KRT80: variants seen among roughly 807,000 people sequenced by gnomAD.
KRT80 encodes keratin 80.
A neutral mutation model predicts 51.5 loss-of-function variants in KRT80; 36 were observed. That is an observed-to-expected ratio of 0.70 (90% CI 0.54 to 0.92). KRT80 has a LOEUF of 0.92. KRT80 is among the 40% of genes least tolerant of loss of function. KRT80 has a pLI of 0.00. For synonymous variants in KRT80, 235 were observed against 248.3 expected (o/e 0.95, Z 0.50); for missense variants, 566 against 591.7 (o/e 0.96, Z 0.45).
chr12:52,175,800 G>A (rs1047344210), intron 4 of KRT80, among the ~76,000 whole-genome samples: 1 of 152,098 alleles, frequency 6.6e-6, no homozygotes, highest in Non-Finnish European at 1.5e-5. Flanking sequence ...GGCCCAACCC[G>A]TGTCAGAATA....
In KRT80 at chr12:52,191,962, G is replaced by C; in HGVS notation, c.-60C>G. 7.2e-7 allele frequency: 1 copy of C among 1,394,170 alleles called. No homozygotes were observed. The highest frequency in any genetic ancestry group is 2.6e-5 in the East Asian group (1 of 39,190). 86.4% of individuals were successfully genotyped at this position (1,394,170 alleles called of 1,614,324 possible). On this transcript the variant is annotated 5_prime_UTR_variant, in exon 1 of 9. Coordinates refer to ENST00000394815, the MANE Select transcript of KRT80 (RefSeq NM_182507.3). ...GGTGAGCGAGTGAGCCTGGGGTTGC[G>C]TCGGGTGGCAGGCTCTGGTTGCTCT...
intron 5 of KRT80, 122 bp downstream of exon 5, chr12:52,173,478 C>T: frequency 1.8e-6 from 1 of 563,542 alleles, no homozygotes; most frequent in Non-Finnish European, 3.1e-6. Context: ...CTTCTCCATT[C>T]CTCTCTCATA....
chr12:52,191,928 G>A lies in KRT80; in HGVS notation c.-26C>T. On this transcript the variant is annotated 5_prime_UTR_variant, in exon 1 of 9. Coordinates refer to ENST00000394815, the MANE Select transcript of KRT80 (RefSeq NM_182507.3). Reference sequence around the variant, plus strand: ...GGTGCCCCCGGCCGGAAGCAGGAGGGCCCAGGGGGGTGAGCGAGTGAGCCT... The same window carrying A: ...GGTGCCCCCGGCCGGAAGCAGGAGGACCCAGGGGGGTGAGCGAGTGAGCCT... 2.8e-6 allele frequency: 4 copies of A among 1,443,900 alleles called. No homozygotes were observed. The highest frequency in any genetic ancestry group is 1.8e-6 in the Non-Finnish European group (2 of 1,098,768). 89.4% of individuals were successfully genotyped at this position (1,443,900 alleles called of 1,614,324 possible).
intron 5 of KRT80, 92 bp downstream of exon 5, chr12:52,173,508 T>C: frequency 8.2e-7 from 1 of 1,224,778 alleles, no homozygotes; most frequent in Non-Finnish European, 1.1e-6. Context: ...GACAGAGAGC[T>C]GCAGGCAACC....
At chr12:52,179,187 G>C (rs1941282073) in intron 4 of KRT80, among the ~76,000 whole-genome samples, 1 of 152,224 alleles carries the variant, frequency 6.6e-6, no homozygotes, top group Admixed American at 6.5e-5. Context: ...GCCTCTCAGA[G>C]GCAGTATGAG....
At chr12:52,182,490 T>C (rs556473583) in intron 2 of KRT80, among the ~76,000 whole-genome samples, 1 of 152,286 alleles carries the variant, frequency 6.6e-6, no homozygotes, top group Admixed American at 6.5e-5. Context: ...CCTGTGTGCC[T>C]CAGCCACGAT....
chr12:52,181,011 G>A, intron 2 of KRT80, 48 bp from the exon 3 acceptor site: 1 of 1,450,110 alleles, frequency 6.9e-7, no homozygotes, highest in Non-Finnish European at 9.3e-7. Flanking sequence ...GGGGGCTTGG[G>A]CCTGGTGAAC....
rs1941484963 is a variant in KRT80, at chr12:52,191,777, G to A, written c.126C>T (p.Ser42=). ...DSCRAPGPGF[S]SRSLTGCWSA... is the part of the protein sequence containing the mutation. ...ACCAGCAGCCTGTGAGGCTGCGGGA[G>A]CTGAAGCCCGGCCCGGGGGCCCTGC... is the stretch of plus-strand genomic sequence containing the variant. Residue 42 remains serine (S), a synonymous_variant, in exon 1 of 9, where the codon AGC becomes AGT. Transcript: ENST00000394815. The A allele has an allele frequency of 6.2e-7, 1 of 1,611,956 alleles. No homozygotes were observed. The highest frequency in any genetic ancestry group is 8.5e-7 in the Non-Finnish European group (1 of 1,179,242).
At chr12:52,188,878 C>A (rs1207657848) in intron 1 of KRT80, among the ~76,000 whole-genome samples, 1 of 152,216 alleles carries the variant, frequency 6.6e-6, no homozygotes, top group Non-Finnish European at 1.5e-5. Flanking sequence ...CCTGCCTCCC[C>A]TGGCCTCTCC....
In KRT80 at chr12:52,173,658, T is replaced by C; in HGVS notation, c.773A>G (p.Gln258Arg). ...GCTGCGAGCCGCGACGGCGTCATAC[T>C]GGGCCTTCACCTCCTCCACGATGCC... ...LSGIVEEVKA[Q>R]YDAVAARSLE... The change falls in exon 5 of 9, where the codon CAG becomes CGG. Residue 258 changes from glutamine to arginine, a missense_variant. Physicochemically the swap from Gln to Arg is conservative, Grantham distance 43 (BLOSUM62 1). Transcript: ENST00000394815. 1 of 1,613,222 alleles carries C rather than the reference T, an allele frequency of 6.2e-7. No individual in the cohort carries two copies. Among genetic ancestry groups the C allele is most frequent in the Non-Finnish European group, 8.5e-7 (1 of 1,180,034 alleles).
rs150792156 is a variant in KRT80 at position 52,180,949 on chromosome 12, A to G, written c.524T>C (p.Ile175Thr). The G allele has an allele frequency of 2.4e-4, 373 of 1,529,652 alleles. No individual in the cohort carries two copies. Among genetic ancestry groups the G allele is most frequent in the Non-Finnish European group, 3.1e-4 (353 of 1,140,400 alleles). The allele number at this position is 1,529,652 out of a possible 1,614,324, so 94.8% of individuals were successfully genotyped here. Residue 175 changes from isoleucine (I) to threonine (T), a missense_variant, in exon 3 of 9, where the codon ATC becomes ACC. Ile to Thr is a moderately conservative substitution (Grantham distance 89, BLOSUM62 -1). Coordinates refer to ENST00000394815, the MANE Select transcript of KRT80 (RefSeq NM_182507.3). ...EEFRIRYEDE[I>T]SKRTDMEFTF... ...GAACTCCATGTCTGTGCGCTTGGAG[A>G]TCTCATCCTCATACCTGGGAGGGAG... is the stretch of plus-strand genomic sequence containing the variant.
In KRT80 at chr12:52,169,384, C is replaced by T. The variant is rs1440434755; in HGVS notation, c.*2014G>A. 6.6e-6 allele frequency: 1 copy of T among 152,412 alleles called. No individual in the cohort carries two copies. Among genetic ancestry groups the T allele is most frequent in the Non-Finnish European group, 1.5e-5 (1 of 68,040 alleles). The allele number at this position is 152,412 out of a possible 1,614,324, so 9.4% of individuals were successfully genotyped here. Reference sequence around the variant, plus strand: ...TGAGACAGGAGAACTTTGTGTGTACCAGCTGCACTGGTCTGAAGATATAAC... The same window carrying T: ...TGAGACAGGAGAACTTTGTGTGTACTAGCTGCACTGGTCTGAAGATATAAC... On this transcript the variant is annotated 3_prime_UTR_variant, in exon 9 of 9. Coordinates refer to ENST00000394815, the MANE Select transcript of KRT80 (RefSeq NM_182507.3).
intron 1 of KRT80, among the ~76,000 whole-genome samples, chr12:52,186,444 G>T (rs928955946): frequency 2.6e-5 from 4 of 152,138 alleles, no homozygotes; most frequent in Non-Finnish European, 5.9e-5. Flanking sequence ...CCTGCTGTGT[G>T]CCAGGCCTTG....
chr12:52,173,104 G>T lies in KRT80; in HGVS notation c.891C>A (p.Ser297Arg), dbSNP rs151135932. ...EYGSSLQSSR[S>R]EIADLNVRIQ... ...TGCGCACATTGAGATCCGCGATCTC[G>T]CTGCGGCTGCTCTGGAGGCTGCTCC... Residue 297 changes from serine to arginine, a missense_variant, in exon 6 of 9, where the codon AGC becomes AGA. Coordinates refer to ENST00000394815, the MANE Select transcript of KRT80 (RefSeq NM_182507.3). The T allele has an allele frequency of 4.4e-5, 71 of 1,613,284 alleles. No individual in the cohort carries two copies. The African/African-American group carries it at 6.7e-4, about 15-fold the overall frequency.
At chr12:52,185,726 C>G (rs1189492524) in intron 1 of KRT80, 139 bp from the exon 2 acceptor site, 1 of 1,500,316 alleles carries the variant, frequency 6.7e-7, no homozygotes, top group Admixed American at 2.0e-5. Flanking sequence ...GGCGCTCACT[C>G]AGCAGAAAGC....
intron 4 of KRT80, among the ~76,000 whole-genome samples, chr12:52,177,652 TG>T: frequency 6.6e-6 from 1 of 151,888 alleles, no homozygotes; most frequent in African/African-American, 2.4e-5. Context: ...TGTGTGTGTG[TG>T]TGTGTGTGTG....
intron 1 of KRT80, among the ~76,000 whole-genome samples, chr12:52,190,454 T>C (rs1434958495): frequency 6.6e-6 from 1 of 152,226 alleles, no homozygotes; most frequent in Non-Finnish European, 1.5e-5. Context: ...AGATGCTCAA[T>C]GCATGTTACT....
At chr12:52,176,643 A>G (rs1294906819) in intron 4 of KRT80, among the ~76,000 whole-genome samples, 2 of 152,064 alleles carry the variant, frequency 1.3e-5, no homozygotes, top group Non-Finnish European at 2.9e-5. Context: ...CACCTCACCC[A>G]GCTAATTTTG....
chr12:52,174,628 C>T (rs1941187958), intron 4 of KRT80, among the ~76,000 whole-genome samples: 2 of 152,238 alleles, frequency 1.3e-5, no homozygotes, highest in Non-Finnish European at 1.5e-5. Context: ...TGCTGCAGCC[C>T]CAGAGGAGGA....
Sources: allele counts gnomAD v4.1 joint callset (sites outside exome capture counted in the v4.1 genomes callset), GRCh38; gene constraint gnomAD v4.1.1; transcripts MANE v1.5; gene names NCBI Gene and HGNC (gene_info 2026-07-23, HGNC 2026-07-21).